B4GALT7: variants seen among roughly 807,000 people sequenced by gnomAD.
B4GALT7 encodes the protein beta-1,4-galactosyltransferase 7.
In B4GALT7, 30 loss-of-function variants were observed where a neutral mutation model predicts 33.0. That is an observed-to-expected ratio of 0.91 (90% CI 0.68 to 1.23). The LOEUF (loss-of-function observed/expected upper bound fraction) is 1.23. B4GALT7 is among the 50% of genes most tolerant of loss of function. B4GALT7 has a pLI of 0.00. For synonymous variants in B4GALT7, 213 were observed against 187.2 expected (o/e 1.14, Z -1.13); for missense variants, 507 against 450.8 (o/e 1.12, Z -1.13).
chr5:177,604,070 T>C, intron 1 of B4GALT7, 109 bp from the exon 2 acceptor site: 1 of 1,491,196 alleles, frequency 6.7e-7, no homozygotes, highest in Admixed American at 1.7e-5. Context: ...TCCCAGGTGC[T>C]TGGGGTAGAC....
intron 1 of B4GALT7, chr5:177,603,140 C>G: frequency 2.2e-6 from 2 of 914,874 alleles, no homozygotes; most frequent in Non-Finnish European, 2.6e-6. Context: ...CTCGGCCTCC[C>G]AAAGTGCTGG....
In B4GALT7 at chr5:177,606,720, G is replaced by A; in HGVS notation, c.414-582G>A. The stretch of plus-strand genomic sequence containing the variant: ...CGAGTCAAAGCCCCGTCCTTCAGTG[G>A]CCCTTGGGCCTTGTGCAGTCACTGT... On this transcript the variant is annotated intron_variant, in intron 2 of 5. Coordinates refer to ENST00000029410, the MANE Select transcript of B4GALT7 (RefSeq NM_007255.3). The surrounding 1 kb of genome is among the most constrained non-coding windows in gnomAD (Gnocchi z 4.2). 1 of 203,634 alleles carries A rather than the reference G, an allele frequency of 4.9e-6. No individual in the cohort carries two copies. The highest frequency in any genetic ancestry group is 1.0e-5 in the Non-Finnish European group (1 of 98,586). The allele number at this position is 203,634 out of a possible 1,614,324, so 12.6% of individuals were successfully genotyped here.
At chr5:177,609,476 G>C (rs371294090) in intron 5 of B4GALT7, 64 bp from the exon 6 acceptor site, 1 of 1,593,162 alleles carries the variant, frequency 6.3e-7, no homozygotes, top group Non-Finnish European at 8.6e-7. Flanking sequence ...GGTTGTGTGG[G>C]GTCAGTGGGT....
In B4GALT7 at chr5:177,600,731, C is replaced by T. The variant is rs1172215265; in HGVS notation, c.50+471C>T. Among the ~76,000 whole-genome samples, 1 of 150,490 alleles carries T rather than the reference C, an allele frequency of 6.6e-6. No individual in the cohort carries two copies. The highest frequency in any genetic ancestry group is 2.5e-5 in the African/African-American group (1 of 39,858). ...TTCCGTTTCTCTGGTCTCTGCCTTCCTCATCACATCCATATAGCCTCAGAC... is the reference window on the plus strand; with the variant it reads ...TTCCGTTTCTCTGGTCTCTGCCTTCTTCATCACATCCATATAGCCTCAGAC... On this transcript the variant is annotated intron_variant, in intron 1 of 5. Coordinates refer to ENST00000029410, the MANE Select transcript of B4GALT7 (RefSeq NM_007255.3). The surrounding 1 kb of genome is among the most constrained non-coding windows in gnomAD (Gnocchi z 4.4).
At position 177,606,801 on chromosome 5, in the gene B4GALT7, G is replaced by GCTCCTGC; in HGVS notation, c.414-492_414-486dup. On this transcript the variant is annotated intron_variant, in intron 2 of 5. Transcript: ENST00000029410. This position sits in a 1 kb window ranked among gnomAD's most constrained non-coding sequence, Gnocchi z 4.2. Reference sequence around the variant, plus strand: ...GCCCTGCCCAGCTGCCCGTTGGTCTGCTCCTGCCTCCTGCCGTGGCAGTGC... The same window carrying GCTCCTGC: ...GCCCTGCCCAGCTGCCCGTTGGTCTGCTCCTGCCTCCTGCCTCCTGCCGTGGCAGTGC... 4.3e-6 allele frequency: 1 copy of GCTCCTGC among 234,208 alleles called. No individual in the cohort carries two copies. The highest frequency in any genetic ancestry group is 2.3e-5 in the African/African-American group (1 of 44,428). 14.5% of individuals were successfully genotyped at this position (234,208 alleles called of 1,614,324 possible).
chr5:177,601,997 C>T (rs569625280), intron 1 of B4GALT7, among the ~76,000 whole-genome samples: 1 of 152,268 alleles, frequency 6.6e-6, no homozygotes, highest in East Asian at 1.9e-4. Flanking sequence ...CCACGCCGTT[C>T]CCCTGGATAA....
chr5:177,601,620 T>TG (rs1177253142), intron 1 of B4GALT7: 2 of 152,254 alleles, frequency 1.3e-5, no homozygotes, highest in East Asian at 3.8e-4. Flanking sequence ...ACGCAACTGA[T>TG]GCAGGCTAGT....
intron 1 of B4GALT7, chr5:177,602,938 A>G (rs1767882290): frequency 1.3e-6 from 1 of 743,238 alleles, no homozygotes; most frequent in Admixed American, 6.3e-5. Flanking sequence ...GCTGGAGTGC[A>G]GTGGCGTGAT....
chr5:177,609,055 T>C lies in B4GALT7; in HGVS notation c.828+41T>C, dbSNP rs535955498. 1.4e-5 allele frequency: 21 copies of C among 1,553,690 alleles called. No individual in the cohort carries two copies. The East Asian group carries it at 3.4e-4, about 25-fold the overall frequency. On this transcript the variant is annotated intron_variant, in intron 5 of 5. Transcript: ENST00000029410. Reference sequence around the variant, plus strand: ...CTCATTGGGGACAGATAGGTGGTCATGTGGGGAGCCAGCAGGCCCGGGCTT... The same window carrying C: ...CTCATTGGGGACAGATAGGTGGTCACGTGGGGAGCCAGCAGGCCCGGGCTT...
chr5:177,608,219 G>C lies in B4GALT7; in HGVS notation c.640-320G>C, dbSNP rs1027060397. 4.9e-6 allele frequency: 2 copies of C among 407,102 alleles called. No homozygotes were observed. The highest frequency in any genetic ancestry group is 4.6e-6 in the Non-Finnish European group (1 of 218,396). The allele number at this position is 407,102 out of a possible 1,614,324, so 25.2% of individuals were successfully genotyped here. A position where few individuals can be genotyped will look rare whatever the true frequency, so the allele number is the denominator to read the frequency against. On this transcript the variant is annotated intron_variant, in intron 3 of 5. Coordinates refer to ENST00000029410, the MANE Select transcript of B4GALT7 (RefSeq NM_007255.3). The surrounding 1 kb of genome is among the most constrained non-coding windows in gnomAD (Gnocchi z 4.1). ...AGAGATGAGGGCAGGGCCACCAGGAGAAAGGGGAATGGGGGAAGCAGAAAT... is the reference window on the plus strand; with the variant it reads ...AGAGATGAGGGCAGGGCCACCAGGACAAAGGGGAATGGGGGAAGCAGAAAT...
Position 177,609,888 on chromosome 5 carries a change from C to T in B4GALT7, c.*193C>T. On this transcript the variant is annotated 3_prime_UTR_variant, in exon 6 of 6. Transcript: ENST00000029410. ...CAGGACACGTGGGGTGCCTGGGACG[C>T]TGCTTGCCATGCACAGTGATCAGAG... is the stretch of plus-strand genomic sequence containing the variant. 1 of 685,960 alleles carries T rather than the reference C, an allele frequency of 1.5e-6. No individual in the cohort carries two copies. Among genetic ancestry groups the T allele is most frequent in the Non-Finnish European group, 2.5e-6 (1 of 400,872 alleles). The allele number at this position is 685,960 out of a possible 1,614,324, so 42.5% of individuals were successfully genotyped here. A position where few individuals can be genotyped will look rare whatever the true frequency, so the allele number is the denominator to read the frequency against.
In B4GALT7 at chr5:177,609,609, C is replaced by G; in HGVS notation, c.898C>G (p.Leu300Val). 1 of 1,614,014 alleles carries G rather than the reference C, an allele frequency of 6.2e-7. No homozygotes were observed. The highest frequency in any genetic ancestry group is 8.5e-7 in the Non-Finnish European group (1 of 1,180,034). The change falls in exon 6 of 6, where the codon CTG becomes GTG. Residue 300 changes from leucine (L) to valine (V), a missense_variant. Coordinates refer to ENST00000029410, the MANE Select transcript of B4GALT7 (RefSeq NM_007255.3). Reference protein sequence around the residue: ...VKYHVASRTALSVGGAPCTVL... With the variant: ...VKYHVASRTAVSVGGAPCTVL... ...GTACCATGTGGCTTCCCGCACTGCCCTGTCTGTGGGCGGGGCCCCCTGCAC... is the reference window on the plus strand; with the variant it reads ...GTACCATGTGGCTTCCCGCACTGCCGTGTCTGTGGGCGGGGCCCCCTGCAC...
intron 3 of B4GALT7, chr5:177,607,833 G>A (rs905460549): frequency 8.5e-6 from 4 of 469,150 alleles, no homozygotes; most frequent in African/African-American, 2.0e-5. Flanking sequence ...GTTTCTCTGT[G>A]CATCTCCCAG....
Position 177,600,336 on chromosome 5 carries a change from A to G in B4GALT7, c.50+76A>G. 1 of 1,168,294 alleles carries G rather than the reference A, an allele frequency of 8.6e-7. No homozygotes were observed. Among genetic ancestry groups the G allele is most frequent in the South Asian group, 3.1e-5 (1 of 32,464 alleles). 72.4% of individuals were successfully genotyped at this position (1,168,294 alleles called of 1,614,324 possible). A position where few individuals can be genotyped will look rare whatever the true frequency, so the allele number is the denominator to read the frequency against. ...TCTCGGCCGCCGGCGGAATCTGGGAACCCGAGGCCATCACGTCTCCATGTC... is the reference window on the plus strand; with the variant it reads ...TCTCGGCCGCCGGCGGAATCTGGGAGCCCGAGGCCATCACGTCTCCATGTC... On this transcript the variant is annotated intron_variant, in intron 1 of 5. Transcript: ENST00000029410. This position sits in a 1 kb window ranked among gnomAD's most constrained non-coding sequence, Gnocchi z 4.4.
At chr5:177,602,852 C>T in intron 1 of B4GALT7, 1 of 976,608 alleles carries the variant, frequency 1.0e-6, no homozygotes, top group African/African-American at 1.8e-5. Flanking sequence ...GAGGAAGGAT[C>T]AGAGGGGGAC....
At chr5:177,605,131 C>G (rs904218327) in intron 2 of B4GALT7, 5 of 415,368 alleles carry the variant, frequency 1.2e-5, no homozygotes, top group African/African-American at 8.2e-5. Flanking sequence ...TCCCCAGACC[C>G]CCCCCTTTTC....
At chr5:177,604,647 C>G in intron 2 of B4GALT7, 106 bp downstream of exon 2, 1 of 1,458,688 alleles carries the variant, frequency 6.9e-7, no homozygotes, top group African/African-American at 1.4e-5. Flanking sequence ...CGGGAGGTGG[C>G]AGACCCCTCT....
intron 1 of B4GALT7, among the ~76,000 whole-genome samples, chr5:177,601,115 TGC>T (rs1184097402): frequency 4.6e-5 from 7 of 152,146 alleles, no homozygotes; most frequent in African/African-American, 1.7e-4. Flanking sequence ...GTCCGTCAGG[TGC>T]CATAAGATTC....
chr5:177,610,130 G>T lies in B4GALT7; in HGVS notation c.*435G>T. ...TAGGTGGCAGTTGGGCCTGGTGAGG[G>T]TTAGGACTTCAGAAACCAGAGCACA... On this transcript the variant is annotated 3_prime_UTR_variant, in exon 6 of 6. Coordinates refer to ENST00000029410, the MANE Select transcript of B4GALT7 (RefSeq NM_007255.3). The T allele has an allele frequency of 4.4e-6, 1 of 229,574 alleles. No homozygotes were observed. The highest frequency in any genetic ancestry group is 6.5e-5 in the South Asian group (1 of 15,306). The allele number at this position is 229,574 out of a possible 1,614,324, so 14.2% of individuals were successfully genotyped here. A position where few individuals can be genotyped will look rare whatever the true frequency, so the allele number is the denominator to read the frequency against.
Sources: allele counts gnomAD v4.1 joint callset (sites outside exome capture counted in the v4.1 genomes callset), GRCh38; gene constraint gnomAD v4.1.1; non-coding constraint Gnocchi (gnomAD v3.1); transcripts MANE v1.5; gene names NCBI Gene and HGNC (gene_info 2026-07-23, HGNC 2026-07-21).